RELCH: variants seen among roughly 807,000 people sequenced by gnomAD.
RELCH encodes the protein RAB11-binding protein RELCH.
Under a neutral mutation model 150.3 loss-of-function variants are expected in RELCH, and 41 were observed. That is an observed-to-expected ratio of 0.27 (90% CI 0.21 to 0.35). The LOEUF is 0.35. Ranked by LOEUF, RELCH falls within the 10% of genes least tolerant of loss-of-function variation. The pLI is 1.00. For missense variants in RELCH, 1,092 were observed against 1,467.8 expected, an observed-to-expected ratio of 0.74 and a Z score of 4.18; for synonymous variants, 478 against 531.8, an observed-to-expected ratio of 0.90 and a Z score of 1.39.
At chr18:62,204,187 T>G (rs961396649) in intron 1 of RELCH, among the ~76,000 whole-genome samples, 6 of 151,746 alleles carry the variant, frequency 4.0e-5, no homozygotes, top group African/African-American at 1.4e-4. Flanking sequence ...TTATAATTAT[T>G]TATAGTACTT....
intron 20 of RELCH, 129 bp from the exon 21 acceptor site, chr18:62,273,851 T>C: frequency 1.6e-6 from 1 of 612,518 alleles, no homozygotes; most frequent in South Asian, 2.0e-5. Context: ...TATCTTTTAA[T>C]TAAAATAGCT....
At chr18:62,284,089 T>C (rs1238894300) in intron 25 of RELCH, 1 of 152,220 alleles carries the variant, frequency 6.6e-6, no homozygotes, top group Non-Finnish European at 1.5e-5. Flanking sequence ...TAGGATCTGC[T>C]CCAATTATTT....
At chr18:62,210,606 T>C (rs73456661) in intron 1 of RELCH, among the ~76,000 whole-genome samples, 221 of 152,358 alleles carry the variant, frequency 1.5e-3, no homozygotes, top group African/African-American at 4.2e-3. Flanking sequence ...TATACATATA[T>C]TCCTTTACTT....
At chr18:62,282,566 A>G in intron 25 of RELCH, 122 bp downstream of exon 25, 1 of 912,046 alleles carries the variant, frequency 1.1e-6, no homozygotes, top group Non-Finnish European at 1.8e-6. Flanking sequence ...AGCCTTGTGT[A>G]CTGAAAGCCT....
At chr18:62,257,488 C>T (rs905735238) in intron 13 of RELCH, among the ~76,000 whole-genome samples, 4 of 151,968 alleles carry the variant, frequency 2.6e-5, no homozygotes, top group Non-Finnish European at 4.4e-5. Context: ...TGTAGTTCCT[C>T]CTGTTAAAAC....
Position 62,258,493 on chromosome 18 carries a change from G to T in RELCH, c.2038-19G>T. The T allele has an allele frequency of 6.3e-7, 1 of 1,589,064 alleles. No homozygotes were observed. The highest frequency in any genetic ancestry group is 1.2e-5 in the South Asian group (1 of 86,562). On this transcript the variant is annotated intron_variant, in intron 14 of 28. Transcript: ENST00000644646. ...TTTATCCCTTTAAAAATCTACATTT[G>T]CCTTTTTCTCATTGACAGGGTTTTG...
chr18:62,304,909 A>G (rs1292894287), intron 28 of RELCH, among the ~76,000 whole-genome samples: 2 of 152,252 alleles, frequency 1.3e-5, no homozygotes, highest in Admixed American at 1.3e-4. Flanking sequence ...GATTATTATC[A>G]GCACAGCACA....
intron 12 of RELCH, among the ~76,000 whole-genome samples, chr18:62,255,081 A>G (rs955215699): frequency 2.0e-5 from 3 of 151,872 alleles, no homozygotes; most frequent in African/African-American, 4.8e-5. Context: ...AAAATATTCT[A>G]CTCTTGCTAG....
intron 1 of RELCH, among the ~76,000 whole-genome samples, chr18:62,209,275 C>T (rs1363265722): frequency 6.6e-6 from 1 of 152,164 alleles, no homozygotes; most frequent in African/African-American, 2.4e-5. Context: ...AAAAGTTTTG[C>T]AATTTTCACT....
chr18:62,248,415 G>A (rs2042531039), intron 11 of RELCH, among the ~76,000 whole-genome samples: 1 of 152,276 alleles, frequency 6.6e-6, no homozygotes, highest in South Asian at 2.1e-4. Context: ...TTGAAGTTAT[G>A]TATTAATTAA....
intron 28 of RELCH, chr18:62,300,353 C>T (rs1242227605): frequency 6.6e-6 from 1 of 152,184 alleles, no homozygotes; most frequent in East Asian, 1.9e-4. Flanking sequence ...AGTTCCTACT[C>T]ATCCTTCAGG....
chr18:62,273,020 T>C (rs1181227829), intron 20 of RELCH, among the ~76,000 whole-genome samples: 3 of 151,264 alleles, frequency 2.0e-5, no homozygotes, highest in Non-Finnish European at 4.4e-5. Context: ...CATTCTTAAC[T>C]AACCTGATTA....
chr18:62,276,647 G>A (rs1432541534), intron 22 of RELCH, among the ~76,000 whole-genome samples: 1 of 152,046 alleles, frequency 6.6e-6, no homozygotes, highest in Non-Finnish European at 1.5e-5. Context: ...ATTGCAATTG[G>A]AGATGGGGTA....
chr18:62,297,150 G>T (rs2045448900), intron 27 of RELCH, among the ~76,000 whole-genome samples: 1 of 152,150 alleles, frequency 6.6e-6, no homozygotes, highest in Non-Finnish European at 1.5e-5. Flanking sequence ...GAGATATCGG[G>T]CATAGCTGAA....
Position 62,241,157 on chromosome 18 carries a change from C to A in RELCH, c.1621-3607C>A, listed in dbSNP as rs190919328. On this transcript the variant is annotated intron_variant, in intron 10 of 28. Coordinates refer to ENST00000644646, the MANE Select transcript of RELCH (RefSeq NM_001346231.2). The stretch of plus-strand genomic sequence containing the variant: ...GCACCAGCAACTCTTTGTCTCCTTG[C>A]AGTTAGCTCCTCTCTTGCTGACCTG... 1.6e-4 allele frequency among the ~76,000 whole-genome samples: 24 copies of A among 152,288 alleles called. No individual in the cohort carries two copies. The East Asian group carries it at 4.6e-3, about 29-fold the overall frequency.
chr18:62,256,315 C>T (rs2042989953), intron 13 of RELCH, among the ~76,000 whole-genome samples: 1 of 151,912 alleles, frequency 6.6e-6, no homozygotes, highest in Non-Finnish European at 1.5e-5. Context: ...GCATTCATTG[C>T]CAGTGGATTT....
chr18:62,202,408 T>G (rs1568305471), intron 1 of RELCH, among the ~76,000 whole-genome samples: 1 of 152,224 alleles, frequency 6.6e-6, no homozygotes, highest in Non-Finnish European at 1.5e-5. Flanking sequence ...TAAAATTACT[T>G]TCTTCCATAA....
chr18:62,288,651 A>G (rs2044948466), intron 26 of RELCH, among the ~76,000 whole-genome samples: 1 of 152,118 alleles, frequency 6.6e-6, no homozygotes, highest in Non-Finnish European at 1.5e-5. Flanking sequence ...TAAAATATAG[A>G]TGGCACCATA....
At position 62,274,024 on chromosome 18, in the gene RELCH, G is replaced by A; in HGVS notation, c.2805G>A (p.Met935Ile). ...TAGTTGGATTCTTAGAAGATGTAAT[G>A]ACGCTGCTTTCATTATCTCATGCTC... The part of the protein sequence containing the change: ...KLLVGFLEDV[M>I]TLLSLSHAPL... The change falls in exon 21 of 29, where the codon ATG becomes ATA. Residue 935 changes from methionine to isoleucine, a missense_variant. Met to Ile is a conservative substitution (Grantham distance 10). Transcript: ENST00000644646. The A allele has an allele frequency of 6.2e-7, 1 of 1,613,200 alleles. No homozygotes were observed. The highest frequency in any genetic ancestry group is 8.5e-7 in the Non-Finnish European group (1 of 1,179,436).
Sources: gnomAD v4.1 joint callset for allele counts (sites outside exome capture counted in the v4.1 genomes callset) on GRCh38, gnomAD v4.1.1 for gene constraint, MANE v1.5 for transcripts, NCBI Gene and HGNC (gene_info 2026-07-23, HGNC 2026-07-21) for gene names.